Variants in SSC5D observed in about 807,000 individuals in gnomAD.
SSC5D encodes the protein soluble scavenger receptor cysteine-rich domain-containing protein SSC5D.
SSC5D carries 106 observed loss-of-function variants against 104.6 expected under a neutral mutation model. The observed-to-expected ratio is 1.01, with a 90% CI of 0.87 to 1.19. The LOEUF (loss-of-function observed/expected upper bound fraction) is 1.19. SSC5D is among the 50% of genes most tolerant of loss of function. SSC5D has a pLI of 0.00. For missense variants in SSC5D, 1,993 were observed against 2,153.8 expected, an observed-to-expected ratio of 0.93 and a Z score of 1.48; for synonymous variants, 860 against 883.5, an observed-to-expected ratio of 0.97 and a Z score of 0.47.
At chr19:55,513,827 A>G (rs867735010) in intron 13 of SSC5D, among the ~76,000 whole-genome samples, 10 of 152,212 alleles carry the variant, frequency 6.6e-5, no homozygotes, top group African/African-American at 2.4e-4. Flanking sequence ...GAGAAACCCC[A>G]GCCTAGATGG....
chr19:55,517,154 C>A, intron 13 of SSC5D, 70 bp from the exon 14 acceptor site: 1 of 1,377,714 alleles, frequency 7.3e-7, no homozygotes. Flanking sequence ...CCTCGAGGGG[C>A]GGGGCGGGAC....
intron 2 of SSC5D, 26 bp downstream of exon 2, chr19:55,489,058 G>GGGGGGC: frequency 8.3e-7 from 1 of 1,203,764 alleles, no homozygotes; most frequent in Non-Finnish European, 1.1e-6. Context: ...CCTCCCATCT[G>GGGGGGC]CCCGCCCCCC....
At chr19:55,494,570 GGT>G (rs781228071) in intron 7 of SSC5D, 38 bp from the exon 8 acceptor site, 2 of 1,466,650 alleles carry the variant, frequency 1.4e-6, no homozygotes, top group East Asian at 2.6e-5. Flanking sequence ...CGGGATGGAG[GGT>G]GTGTGTGGGT....
At chr19:55,517,197 G>T (rs999576697) in intron 13 of SSC5D, 27 bp from the exon 14 acceptor site, 3 of 1,524,010 alleles carry the variant, frequency 2.0e-6, no homozygotes, top group South Asian at 2.4e-5. Flanking sequence ...ACCTCAGACC[G>T]TCCGTCTGTC....
At chr19:55,506,640 T>C (rs939723756) in intron 12 of SSC5D, among the ~76,000 whole-genome samples, 2 of 151,798 alleles carry the variant, frequency 1.3e-5, no homozygotes. Flanking sequence ...GTGATCTGCC[T>C]GCCTCGGCCT....
chr19:55,506,419 G>T (rs1714321771), intron 12 of SSC5D, among the ~76,000 whole-genome samples: 1 of 105,504 alleles, frequency 9.5e-6, no homozygotes, highest in African/African-American at 3.9e-5. Context: ...TTTTGAGACG[G>T]AGTCTCGCTC....
chr19:55,492,791 G>C (rs1196939132), intron 6 of SSC5D: 1 of 152,082 alleles, frequency 6.6e-6, no homozygotes, highest in Admixed American at 6.5e-5. Flanking sequence ...CACGTGCTTT[G>C]GGAGGATTTC....
chr19:55,512,362 G>T (rs1467964677), intron 12 of SSC5D, among the ~76,000 whole-genome samples: 2 of 19,530 alleles, frequency 1.0e-4, no homozygotes, highest in Admixed American at 8.0e-4. Context: ...AAGTGCATTT[G>T]GCCAAAAAAA....
At position 55,491,162 on chromosome 19, in the gene SSC5D, C is replaced by T. The variant is rs1987134437; in HGVS notation, c.895+82C>T. ...TGCCCCTCCAGGAAGCTGCAGCGGG[C>T]CTGCTCCCAGCTCTGCCTCCTGCCC... On this transcript the variant is annotated intron_variant, in intron 6 of 13. Transcript: ENST00000389623. 6 of 1,446,504 alleles carry T rather than the reference C, an allele frequency of 4.1e-6. 1 individual carries two copies. The highest frequency in any genetic ancestry group is 2.5e-5 in the East Asian group (1 of 39,744). 89.6% of individuals were successfully genotyped at this position (1,446,504 alleles called of 1,614,324 possible).
rs2123426600 is a variant in SSC5D at position 55,489,662 on chromosome 19, G to C, written c.361G>C (p.Gly121Arg). The change falls in exon 3 of 14, where the codon GGT becomes CGT. Residue 121 changes from glycine to arginine, a missense_variant and splice_region_variant. By Grantham distance (125) the Gly-to-Arg change is moderately radical. Around this residue, in one of 6 missense-constraint regions of SSC5D, gnomAD observed 1,101 missense variants for 1,085.0 expected, o/e 1.01. Transcript: ENST00000389623. ...HEEDAGVVCAGQRVANSRDDS... is the reference protein window; with the variant it reads ...HEEDAGVVCARQRVANSRDDS... ...GGAGGACGCGGGCGTCGTCTGCGCA[G>C]GTGAGGACACCCTGGCTGCTCCTTC... 1 of 1,532,028 alleles carries C rather than the reference G, an allele frequency of 6.5e-7. No individual in the cohort carries two copies. The highest frequency in any genetic ancestry group is 1.2e-5 in the South Asian group (1 of 83,566). 94.9% of individuals were successfully genotyped at this position (1,532,028 alleles called of 1,614,324 possible).
In SSC5D at chr19:55,488,474, G is replaced by C. The variant is rs1215987339; in HGVS notation, c.-116G>C. On this transcript the variant is annotated 5_prime_UTR_variant, in exon 1 of 14. Coordinates refer to ENST00000389623, the MANE Select transcript of SSC5D (RefSeq NM_001144950.2). ...CGTCCAGCCCTGCCTGCTCCTCCTC[G>C]GGCCTGGGCGCCTCCAGCAGGCACT... 2.0e-5 allele frequency: 18 copies of C among 888,102 alleles called. No individual in the cohort carries two copies. The highest frequency in any genetic ancestry group is 6.1e-5 in the South Asian group (4 of 65,998). 55.0% of individuals were successfully genotyped at this position (888,102 alleles called of 1,614,324 possible). A position where few individuals can be genotyped will look rare whatever the true frequency, so the allele number is the denominator to read the frequency against.
intron 12 of SSC5D, chr19:55,504,343 A>G (rs2123449115): frequency 4.3e-6 from 6 of 1,407,314 alleles, no homozygotes; most frequent in Non-Finnish European, 5.5e-6. Flanking sequence ...AAATGAAAAG[A>G]CAGCCATGTG....
At chr19:55,493,553 A>T (rs1357996647) in intron 6 of SSC5D, 42 bp from the exon 7 acceptor site, 2 of 1,397,070 alleles carry the variant, frequency 1.4e-6, no homozygotes, top group Non-Finnish European at 1.8e-6. Flanking sequence ...CCGCTCATCC[A>T]CCCTCGTTTC....
At chr19:55,488,975 A>ACACTGCCC in intron 1 of SSC5D, 31 bp from the exon 2 acceptor site, 1 of 1,139,890 alleles carries the variant, frequency 8.8e-7, no homozygotes, top group Non-Finnish European at 1.1e-6. Flanking sequence ...CCTGCCCCTC[A>ACACTGCCC]CACTGCCCCA....
chr19:55,518,879 C>T lies in SSC5D; in HGVS notation c.4603C>T (p.Leu1535=), dbSNP rs1329688849. The part of the protein sequence containing the change: ...LTQLVEAARG[L]GQLGEAVKRL... ...GCAGCTGGTAGAAGCTGCCCGGGGT[C>T]TGGGGCAGCTGGGTGAGGCTGTGAA... The change falls in exon 14 of 14, where the codon CTG becomes TTG. Residue 1535 remains leucine, a synonymous_variant. Coordinates refer to ENST00000389623, the MANE Select transcript of SSC5D (RefSeq NM_001144950.2). 1.9e-6 allele frequency: 3 copies of T among 1,550,276 alleles called. No homozygotes were observed. Among genetic ancestry groups the T allele is most frequent in the Admixed American group, 2.0e-5 (1 of 50,994 alleles).
intron 2 of SSC5D, 26 bp downstream of exon 2, chr19:55,489,058 G>GGGGGGGGGGGC: frequency 1.7e-6 from 2 of 1,203,772 alleles, no homozygotes; most frequent in Non-Finnish European, 2.1e-6. Flanking sequence ...CCTCCCATCT[G>GGGGGGGGGGGC]CCCGCCCCCC....
chr19:55,501,463 A>G (rs1987502574), intron 12 of SSC5D, among the ~76,000 whole-genome samples: 1 of 152,150 alleles, frequency 6.6e-6, no homozygotes. Context: ...AAGCCACACA[A>G]TATGCAAGCC....
chr19:55,500,745 C>G lies in SSC5D; in HGVS notation c.2558C>G (p.Ser853Trp). 1 of 1,551,564 alleles carries G rather than the reference C, an allele frequency of 6.4e-7. No individual in the cohort carries two copies. Among genetic ancestry groups the G allele is most frequent in the South Asian group, 1.2e-5 (1 of 84,052 alleles). The stretch of plus-strand genomic sequence containing the variant: ...GAGGCCTCACTGAGCGACTGCCCCT[C>G]GGGGGCTTGGGGGAAGCACAACTGT... ...GSEASLSDCP[S>W]GAWGKHNCDH... The change falls in exon 11 of 14, where the codon TCG (serine) becomes TGG (tryptophan). Residue 853 changes from serine to tryptophan, a missense_variant. Physicochemically the swap from Ser to Trp is radical, Grantham distance 177. This residue lies in a region of SSC5D where 423 missense variants were observed against 409.2 expected (regional missense o/e 1.03). Coordinates refer to ENST00000389623, the MANE Select transcript of SSC5D (RefSeq NM_001144950.2). This position sits in a 1 kb window ranked among gnomAD's most constrained non-coding sequence, Gnocchi z 4.6.
Position 55,497,942 on chromosome 19 carries a change from C to G in SSC5D, c.1450C>G (p.His484Asp), listed in dbSNP as rs1226704934. 6.4e-7 allele frequency: 1 copy of G among 1,551,658 alleles called. No individual in the cohort carries two copies. Among genetic ancestry groups the G allele is most frequent in the Non-Finnish European group, 8.7e-7 (1 of 1,146,870 alleles). Residue 484 changes from histidine (H) to aspartate (D), a missense_variant, in exon 9 of 14, where the codon CAT becomes GAT. His to Asp is a moderately conservative substitution (Grantham distance 81). Coordinates refer to ENST00000389623, the MANE Select transcript of SSC5D (RefSeq NM_001144950.2). The part of the protein sequence containing the change: ...SKCSGRLEVW[H>D]DQRWGTVCDD... Reference sequence around the variant, plus strand: ...GTGCTCAGGTCGACTGGAGGTGTGGCATGACCAGCGCTGGGGGACCGTGTG... The same window carrying G: ...GTGCTCAGGTCGACTGGAGGTGTGGGATGACCAGCGCTGGGGGACCGTGTG...
Sources: allele counts gnomAD v4.1 joint callset (sites outside exome capture counted in the v4.1 genomes callset), GRCh38; gene constraint gnomAD v4.1.1; regional missense constraint gnomAD v4.1.1; non-coding constraint Gnocchi (gnomAD v3.1); transcripts MANE v1.5; gene names NCBI Gene and HGNC (gene_info 2026-07-23, HGNC 2026-07-21).